Variants in KCNU1 observed in about 807,000 individuals in gnomAD.
The protein encoded by KCNU1 is potassium calcium-activated channel subfamily U member 1.
In KCNU1, 93 loss-of-function variants were observed where a neutral mutation model predicts 126.8. That is an observed-to-expected ratio of 0.73 (90% CI 0.62 to 0.87). The LOEUF (loss-of-function observed/expected upper bound fraction) is 0.87. Among genes scored for constraint, KCNU1 ranks in the 40% least tolerant of loss-of-function variants. The pLI, the probability that KCNU1 is intolerant of heterozygous loss-of-function variation, is 0.00. For synonymous variants in KCNU1, 523 were observed against 494.2 expected (o/e 1.06, Z -0.77); for missense variants, 1,330 against 1,367.1 (o/e 0.97, Z 0.43).
At chr8:36,925,893 C>T (rs1311154190) in intron 24 of KCNU1, among the ~76,000 whole-genome samples, 1 of 152,110 alleles carries the variant, frequency 6.6e-6, no homozygotes, top group Non-Finnish European at 1.5e-5. Context: ...TCGATCTCCC[C>T]ATTAACTTAG....
intron 19 of KCNU1, among the ~76,000 whole-genome samples, chr8:36,891,091 A>G (rs1806945014): frequency 6.6e-6 from 1 of 151,792 alleles, no homozygotes; most frequent in Non-Finnish European, 1.5e-5. Context: ...TTTTTTATAT[A>G]TGTCTCTTGT....
chr8:36,928,520 G>A (rs191176910), intron 24 of KCNU1, among the ~76,000 whole-genome samples: 210 of 152,146 alleles, frequency 1.4e-3, no homozygotes, highest in Middle Eastern at 6.8e-3. Context: ...ACATCACTCA[G>A]GAAATTCCTT....
chr8:36,879,211 G>GTGTGTGTA (rs541223094), intron 19 of KCNU1, among the ~76,000 whole-genome samples: 1 of 101,758 alleles, frequency 9.8e-6, no homozygotes, highest in African/African-American at 3.5e-5. Flanking sequence ...GTGTGTGTGT[G>GTGTGTGTA]TATATATATA....
chr8:36,880,278 C>T (rs1362482022), intron 19 of KCNU1, among the ~76,000 whole-genome samples: 1 of 152,112 alleles, frequency 6.6e-6, no homozygotes, highest in Non-Finnish European at 1.5e-5. Flanking sequence ...TTGCTCTGGG[C>T]ATTAATATTA....
chr8:36,784,722 C>T (rs1802651756), intron 1 of KCNU1, 117 bp downstream of exon 1: 1 of 804,510 alleles, frequency 1.2e-6, no homozygotes, highest in Non-Finnish European at 1.9e-6. Flanking sequence ...GAGTCAGCTT[C>T]TATAGCCTGG....
intron 10 of KCNU1, among the ~76,000 whole-genome samples, chr8:36,822,431 C>G (rs548281327): frequency 6.6e-6 from 1 of 152,080 alleles, no homozygotes; most frequent in African/African-American, 2.4e-5. Context: ...CCACAGGGAA[C>G]AGAAGTATCA....
rs544482857 is a variant in KCNU1 at position 36,857,808 on chromosome 8, G to A, written c.1892-6596G>A. Among the ~76,000 whole-genome samples, 4 of 152,002 alleles carry A rather than the reference G, an allele frequency of 2.6e-5. No individual in the cohort carries two copies. In the South Asian group the frequency reaches 8.3e-4, roughly 32 times the overall value. ...TTACAGGCGCTTGCCACCACATGCA[G>A]CTAATTTTTGTATTTTTAGTACGGA... On this transcript the variant is annotated intron_variant, in intron 18 of 26. Transcript: ENST00000399881.
rs749848820 is a variant in KCNU1, at chr8:36,905,724, G to T, written c.2026G>T (p.Val676Leu). The T allele has an allele frequency of 4.4e-6, 7 of 1,596,590 alleles. No individual in the cohort carries two copies. The highest frequency in any genetic ancestry group is 6.0e-6 in the Non-Finnish European group (7 of 1,164,526). ...NFTTRTLQHD[V>L]EQDSDQLDSS... The stretch of plus-strand genomic sequence containing the variant: ...CCTATTTAGGACTCTTCAACATGAT[G>T]TAGAACAAGATTCTGACCAGCTTGA... The change falls in exon 20 of 27, where the codon GTA (valine) becomes TTA (leucine). Residue 676 changes from valine (V) to leucine (L), a missense_variant. Val to Leu is a conservative substitution (Grantham distance 32, BLOSUM62 1). This residue lies in a region of KCNU1 where 1,054 missense variants were observed against 1,053.9 expected (regional missense o/e 1.00). Transcript: ENST00000399881.
intron 25 of KCNU1, among the ~76,000 whole-genome samples, chr8:36,931,639 T>G (rs182617581): frequency 4.6e-5 from 7 of 152,194 alleles, no homozygotes; most frequent in Admixed American, 3.9e-4. Context: ...GAGACCACAT[T>G]GTCAATCAGT....
At chr8:36,820,000 T>C (rs931081475) in intron 10 of KCNU1, among the ~76,000 whole-genome samples, 4 of 152,132 alleles carry the variant, frequency 2.6e-5, no homozygotes, top group African/African-American at 9.7e-5. Context: ...CCCTGAGTCA[T>C]CATGTAAAAA....
intron 20 of KCNU1, among the ~76,000 whole-genome samples, chr8:36,908,241 T>C (rs1807713601): frequency 6.6e-6 from 1 of 152,218 alleles, no homozygotes; most frequent in Non-Finnish European, 1.5e-5. Flanking sequence ...TATGAGTCTC[T>C]ATGACTGTGG....
At chr8:36,847,286 A>T (rs1805185275) in intron 18 of KCNU1, among the ~76,000 whole-genome samples, 1 of 152,202 alleles carries the variant, frequency 6.6e-6, no homozygotes, top group African/African-American at 2.4e-5. Context: ...TTTGATATAG[A>T]TATACAATGT....
intron 10 of KCNU1, among the ~76,000 whole-genome samples, 196 bp from the exon 11 acceptor site, chr8:36,833,358 A>G (rs1395590293): frequency 6.6e-6 from 1 of 152,164 alleles, no homozygotes; most frequent in Non-Finnish European, 1.5e-5. Context: ...TCAGTAACTC[A>G]GTTTTTTAAA....
intron 19 of KCNU1, among the ~76,000 whole-genome samples, chr8:36,903,774 G>C (rs1807513166): frequency 6.6e-6 from 1 of 152,084 alleles, no homozygotes; most frequent in African/African-American, 2.4e-5. Context: ...GCATGGCTGG[G>C]GAGGCCTCAA....
intron 19 of KCNU1, among the ~76,000 whole-genome samples, chr8:36,875,374 T>C (rs1428705503): frequency 6.7e-6 from 1 of 149,008 alleles, no homozygotes. Flanking sequence ...ATTACAGATA[T>C]ATAATATATA....
chr8:36,863,005 G>C (rs1805784495), intron 18 of KCNU1, among the ~76,000 whole-genome samples: 1 of 152,148 alleles, frequency 6.6e-6, no homozygotes, highest in Non-Finnish European at 1.5e-5. Flanking sequence ...GGAAGCATCA[G>C]TCAAGTGAAG....
intron 19 of KCNU1, among the ~76,000 whole-genome samples, chr8:36,900,157 A>G (rs1032437912): frequency 1.6e-5 from 2 of 127,474 alleles, no homozygotes; most frequent in African/African-American, 5.6e-5. Flanking sequence ...AGCTGGATGC[A>G]AGACACAGAG....
At chr8:36,856,981 T>C (rs1805548328) in intron 18 of KCNU1, among the ~76,000 whole-genome samples, 1 of 152,228 alleles carries the variant, frequency 6.6e-6, no homozygotes. Context: ...GTAAAATCAA[T>C]TCCTTTGGGC....
In KCNU1 at chr8:36,814,379, T is replaced by C; in HGVS notation, c.903+2T>C. 6.3e-7 allele frequency: 1 copy of C among 1,592,546 alleles called. No individual in the cohort carries two copies. The highest frequency in any genetic ancestry group is 1.7e-4 in the Middle Eastern group (1 of 6,030). ...ATGTTCTTCACACTGGGGAGTTTGG[T>C]GAAGAATATTTTTAATATATTTTGA... is the stretch of plus-strand genomic sequence containing the variant. On this transcript the variant is annotated splice_donor_variant, in intron 8 of 26. Transcript: ENST00000399881. LOFTEE classifies it high-confidence loss of function.
Sources: allele counts gnomAD v4.1 joint callset (sites outside exome capture counted in the v4.1 genomes callset), GRCh38; gene constraint gnomAD v4.1.1; regional missense constraint gnomAD v4.1.1; transcripts MANE v1.5; gene names NCBI Gene and HGNC (gene_info 2026-07-23, HGNC 2026-07-21).